Variants in PHACTR2 observed in about 807,000 individuals in gnomAD.
PHACTR2 encodes the protein chromosome 6 open reading frame 56.
A neutral mutation model predicts 76.0 loss-of-function variants in PHACTR2; 30 were observed. The ratio of observed to expected loss-of-function variants is 0.39; its 90% CI spans 0.30 to 0.54. The LOEUF is 0.54. Ranked by LOEUF, PHACTR2 falls within the 20% of genes least tolerant of loss-of-function variation. The probability of loss-of-function intolerance (pLI) is 0.61; values close to 1 mark genes in which losing one functional copy is unlikely to be tolerated. For synonymous variants in PHACTR2, 292 were observed against 292.5 expected (o/e 1.00, Z 0.02); for missense variants, 696 against 781.1 (o/e 0.89, Z 1.30).
rs12213878 is a variant in PHACTR2, at chr6:143,625,877, A to T, written c.13+17555A>T. ...TGCCAGGAAGTGGTAAGAACCATGAAGAAAGGTAAAGCAGAGTGGTGGGGC... is the reference window on the plus strand; with the variant it reads ...TGCCAGGAAGTGGTAAGAACCATGATGAAAGGTAAAGCAGAGTGGTGGGGC... On this transcript the variant is annotated intron_variant, in intron 1 of 11. Transcript: ENST00000305766. The surrounding 1 kb of genome is among the most constrained non-coding windows in gnomAD (Gnocchi z 4.3). Among the ~76,000 whole-genome samples, 39,998 of 152,092 alleles carry T rather than the reference A, an allele frequency of 0.26. 6,997 individuals carry two copies. Among genetic ancestry groups the T allele is most frequent in the Non-Finnish European group, 0.39 (26,460 of 67,930 alleles).
rs568544507 is a variant in PHACTR2, at chr6:143,800,451, C to T, written c.1846-6606C>T. 6.6e-5 allele frequency among the ~76,000 whole-genome samples: 10 copies of T among 152,056 alleles called. No individual in the cohort carries two copies. Among genetic ancestry groups the T allele is most frequent in the East Asian group, 3.9e-4 (2 of 5,166 alleles). On this transcript the variant is annotated intron_variant, in intron 11 of 12. Transcript: ENST00000440869. The surrounding 1 kb of genome is among the most constrained non-coding windows in gnomAD (Gnocchi z 4.8). ...TAATTTTTTGTATTTTTAGTAGAGA[C>T]GGGGTTTCACTGTGTTAGCCAGGAT...
intron 2 of PHACTR2, among the ~76,000 whole-genome samples, chr6:143,728,648 A>G (rs191112931): frequency 1.3e-5 from 2 of 152,326 alleles, no homozygotes; most frequent in Admixed American, 1.3e-4. Context: ...ACATAGACCA[A>G]TGGAATAGAA....
rs1781195259 is a variant in PHACTR2 at position 143,543,847 on chromosome 6, A to G, written c.217+6640A>G. Among the ~76,000 whole-genome samples the G allele has an allele frequency of 6.6e-6, 1 of 152,212 alleles. No individual in the cohort carries two copies. Among genetic ancestry groups the G allele is most frequent in the Non-Finnish European group, 1.5e-5 (1 of 68,036 alleles). ...AGTTTGATATGGATATATTCTGAGT[A>G]TATTCTGACATGAACACTGAAAGAC... On this transcript the variant is annotated intron_variant, in intron 1 of 11. Transcript: ENST00000367584. The surrounding 1 kb of genome is among the most constrained non-coding windows in gnomAD (Gnocchi z 4.7).
At chr6:143,559,734 G>A (rs985079936) in intron 1 of PHACTR2, among the ~76,000 whole-genome samples, 1 of 24,382 alleles carries the variant, frequency 4.1e-5, no homozygotes, top group East Asian at 1.0e-3. Context: ...TTTGGAGACA[G>A]AGTTTTGCTC....
chr6:143,800,624 A>G lies in PHACTR2; in HGVS notation c.1846-6433A>G, dbSNP rs1775931983. Among the ~76,000 whole-genome samples, 1 of 152,204 alleles carries G rather than the reference A, an allele frequency of 6.6e-6. No individual in the cohort carries two copies. The highest frequency in any genetic ancestry group is 6.5e-5 in the Admixed American group (1 of 15,276). On this transcript the variant is annotated intron_variant, in intron 11 of 12. Coordinates refer to ENST00000440869, the MANE Select transcript of PHACTR2 (RefSeq NM_001100164.2). The surrounding 1 kb of genome is among the most constrained non-coding windows in gnomAD (Gnocchi z 4.8). ...GAGATGGGTCTCCTGAATACAGCAC[A>G]CTGATGGGTCTAGACTCTTTATCCA...
In PHACTR2 at chr6:143,583,020, A is replaced by T. The variant is rs1775592446; in HGVS notation, c.217+45813A>T. Among the ~76,000 whole-genome samples the T allele has an allele frequency of 6.6e-6, 1 of 152,258 alleles. No homozygotes were observed. Among genetic ancestry groups the T allele is most frequent in the South Asian group, 2.1e-4 (1 of 4,832 alleles). On this transcript the variant is annotated intron_variant, in intron 1 of 11. Transcript: ENST00000367584. The surrounding 1 kb of genome is among the most constrained non-coding windows in gnomAD (Gnocchi z 4.0). ...CTTAAAACATGCAATCACCATTCACATACTTTAATTAGAAACATCATAATG... is the reference window on the plus strand; with the variant it reads ...CTTAAAACATGCAATCACCATTCACTTACTTTAATTAGAAACATCATAATG...
At chr6:143,690,706 G>A (rs1777624996) in intron 1 of PHACTR2, among the ~76,000 whole-genome samples, 1 of 152,184 alleles carries the variant, frequency 6.6e-6, no homozygotes, top group African/African-American at 2.4e-5. Flanking sequence ...TTTCTTGGGT[G>A]ATGGTCACAC....
intron 1 of PHACTR2, among the ~76,000 whole-genome samples, chr6:143,593,695 T>C (rs1775718720): frequency 6.6e-6 from 1 of 152,226 alleles, no homozygotes; most frequent in Admixed American, 6.5e-5. Flanking sequence ...CTGAAATGTT[T>C]ATAAGATGAT....
rs1777450667 is a variant in PHACTR2 at position 143,683,758 on chromosome 6, C to T, written c.46+5549C>T. ...TGTTTTCTTTATTCCATAATATATA[C>T]ATGGTAGGAAGTCAAACATTACAAG... On this transcript the variant is annotated intron_variant, in intron 1 of 12. Transcript: ENST00000440869. This position sits in a 1 kb window ranked among gnomAD's most constrained non-coding sequence, Gnocchi z 4.1. Among the ~76,000 whole-genome samples, 1 of 152,168 alleles carries T rather than the reference C, an allele frequency of 6.6e-6. No homozygotes were observed. Among genetic ancestry groups the T allele is most frequent in the African/African-American group, 2.4e-5 (1 of 41,432 alleles).
chr6:143,585,911 C>A lies in PHACTR2; in HGVS notation c.217+48704C>A, dbSNP rs1775625075. On this transcript the variant is annotated intron_variant, in intron 1 of 11. Coordinates refer to the PHACTR2 transcript ENST00000367584. This position sits in a 1 kb window ranked among gnomAD's most constrained non-coding sequence, Gnocchi z 5.2. ...GGCCGCTAGCACTTCATGGCAGGGA[C>A]ACATTATTTTTCTTCTTTGAAACAA... Among the ~76,000 whole-genome samples the A allele has an allele frequency of 6.6e-6, 1 of 152,176 alleles. No individual in the cohort carries two copies. Among genetic ancestry groups the A allele is most frequent in the Non-Finnish European group, 1.5e-5 (1 of 68,020 alleles).
At chr6:143,790,370 G>A (rs975889706) in intron 11 of PHACTR2, among the ~76,000 whole-genome samples, 5 of 152,086 alleles carry the variant, frequency 3.3e-5, no homozygotes, top group African/African-American at 9.7e-5. Context: ...AACTGATAGC[G>A]TGGGAAAAAT....
At chr6:143,566,755 T>C (rs1247998773) in intron 1 of PHACTR2, among the ~76,000 whole-genome samples, 2 of 151,814 alleles carry the variant, frequency 1.3e-5, no homozygotes, top group Non-Finnish European at 2.9e-5. Flanking sequence ...TCAGAATATT[T>C]TTAAATGAAT....
upstream of PHACTR2, among the ~76,000 whole-genome samples, chr6:143,604,096 CA>C (rs5880568): frequency 0.59 from 64,861 of 110,252 alleles, 16,992 homozygotes; most frequent in Non-Finnish European, 0.68. Flanking sequence ...GACTCTGATT[CA>C]AAAAAAAAAA....
intron 1 of PHACTR2, among the ~76,000 whole-genome samples, chr6:143,681,377 A>G (rs1021326443): frequency 4.6e-5 from 7 of 151,910 alleles, no homozygotes; most frequent in Admixed American, 1.3e-4. Context: ...TTCATGTGCT[A>G]TTGGCCATTT....
rs189522554 is a variant in PHACTR2 at position 143,580,301 on chromosome 6, C to T, written c.217+43094C>T. 3.9e-5 allele frequency among the ~76,000 whole-genome samples: 6 copies of T among 152,150 alleles called. No individual in the cohort carries two copies. The East Asian group carries it at 1.2e-3, about 29-fold the overall frequency. ...GAAATCGAGACCATCTTGGCCAACA[C>T]GGTGAAACCCCGTCTCTACTAAAAA... On this transcript the variant is annotated intron_variant, in intron 1 of 11. Coordinates refer to the PHACTR2 transcript ENST00000367584. The surrounding 1 kb of genome is among the most constrained non-coding windows in gnomAD (Gnocchi z 4.2).
intron 1 of PHACTR2, among the ~76,000 whole-genome samples, chr6:143,563,202 A>G (rs1480391696): frequency 6.6e-6 from 1 of 152,174 alleles, no homozygotes; most frequent in Non-Finnish European, 1.5e-5. Context: ...AAGTGTTCCA[A>G]TGACCCAAAT....
rs1219548762 is a variant in PHACTR2 at position 143,757,419 on chromosome 6, A to T, written c.455-2982A>T. Among the ~76,000 whole-genome samples, 1 of 152,216 alleles carries T rather than the reference A, an allele frequency of 6.6e-6. No individual in the cohort carries two copies. Among genetic ancestry groups the T allele is most frequent in the African/African-American group, 2.4e-5 (1 of 41,448 alleles). On this transcript the variant is annotated intron_variant, in intron 4 of 12. Transcript: ENST00000440869. This position sits in a 1 kb window ranked among gnomAD's most constrained non-coding sequence, Gnocchi z 4.2. Reference sequence around the variant, plus strand: ...ATTTATGAACTAAGACATGAAGGAAACAAGAAGGAGGTCATCAAGTGAAGC... The same window carrying T: ...ATTTATGAACTAAGACATGAAGGAATCAAGAAGGAGGTCATCAAGTGAAGC...
chr6:143,593,269 A>C (rs1056712134), intron 1 of PHACTR2, among the ~76,000 whole-genome samples: 3 of 152,018 alleles, frequency 2.0e-5, no homozygotes, highest in Non-Finnish European at 2.9e-5. Context: ...GACAGTTGCT[A>C]TGCCATATGG....
Position 143,730,581 on chromosome 6 carries a change from A to G in PHACTR2, c.214+18398A>G, listed in dbSNP as rs1431308187. On this transcript the variant is annotated intron_variant, in intron 2 of 12. Coordinates refer to ENST00000440869, the MANE Select transcript of PHACTR2 (RefSeq NM_001100164.2). The surrounding 1 kb of genome is among the most constrained non-coding windows in gnomAD (Gnocchi z 4.8). ...GTCATCTGTGAATGGGAATCATTTT[A>G]TTTCTTCCATTCTAACCTGCATGTT... Among the ~76,000 whole-genome samples, 1 of 152,074 alleles carries G rather than the reference A, an allele frequency of 6.6e-6. No homozygotes were observed. The highest frequency in any genetic ancestry group is 1.5e-5 in the Non-Finnish European group (1 of 68,008).
Sources: gnomAD v4.1 joint callset for allele counts (sites outside exome capture counted in the v4.1 genomes callset) on GRCh38, gnomAD v4.1.1 for gene constraint, Gnocchi (gnomAD v3.1) non-coding constraint, MANE v1.5 for transcripts, NCBI Gene and HGNC (gene_info 2026-07-23, HGNC 2026-07-21) for gene names.